The following PIP4K2B variants were observed in gnomAD, a reference collection of about 807,000 sequenced individuals.
PIP4K2B encodes phosphatidylinositol 5-phosphate 4-kinase type-2 beta.
Under a neutral mutation model 42.0 loss-of-function variants are expected in PIP4K2B, and 3 were observed. The observed-to-expected ratio is 0.07, with a 90% confidence interval of 0.03 to 0.18. The LOEUF is 0.18. Among genes scored for constraint, PIP4K2B ranks in the 10% least tolerant of loss-of-function variants. The pLI is 1.00. For synonymous variants in PIP4K2B, 204 were observed against 210.1 expected (o/e 0.97, Z 0.25); for missense variants, 332 against 562.3 (o/e 0.59, Z 4.14).
At chr17:38,796,903 C>T (rs905985027) in intron 1 of PIP4K2B, among the ~76,000 whole-genome samples, 1 of 152,112 alleles carries the variant, frequency 6.6e-6, no homozygotes, top group Non-Finnish European at 1.5e-5. Flanking sequence ...AGCAGTCCAC[C>T]GAGGGCAATG....
chr17:38,784,418 T>C, intron 2 of PIP4K2B, 79 bp from the exon 3 acceptor site: 2 of 806,996 alleles, frequency 2.5e-6, no homozygotes, highest in South Asian at 3.4e-5. Flanking sequence ...TTTTTTGTAA[T>C]AGAGACAGAG....
At chr17:38,795,912 G>A (rs1419442344) in intron 1 of PIP4K2B, among the ~76,000 whole-genome samples, 1 of 152,150 alleles carries the variant, frequency 6.6e-6, no homozygotes, top group African/African-American at 2.4e-5. Flanking sequence ...GCCGAGGCAG[G>A]TGGATCACCT....
In PIP4K2B at chr17:38,787,111, T is replaced by G. The variant is rs35312251; in HGVS notation, c.160-191A>C. ...AGTGCAGTGGCATGACAATGGCTCA[T>G]TGCAGCCTTCACCTCCTGGACTCAA... is the stretch of plus-strand genomic sequence containing the variant. On this transcript the variant is annotated intron_variant, in intron 1 of 9. Coordinates refer to ENST00000619039, the MANE Select transcript of PIP4K2B (RefSeq NM_003559.5). Among the ~76,000 whole-genome samples the G allele has an allele frequency of 7.0e-4, 106 of 152,220 alleles. 1 individual carries two copies. Among genetic ancestry groups the G allele is most frequent in the African/African-American group, 2.0e-3 (82 of 41,544 alleles).
At chr17:38,773,165 G>A (rs919934375) in intron 7 of PIP4K2B, among the ~76,000 whole-genome samples, 4 of 152,150 alleles carry the variant, frequency 2.6e-5, no homozygotes, top group Non-Finnish European at 5.9e-5. Context: ...CAGTGTTTCA[G>A]TTGTGTGTAT....
intron 7 of PIP4K2B, among the ~76,000 whole-genome samples, chr17:38,774,641 G>A (rs575082570): frequency 1.3e-5 from 2 of 151,826 alleles, no homozygotes; most frequent in Non-Finnish European, 2.9e-5. Flanking sequence ...ATGGTGGTGG[G>A]CGCCTGTAGT....
chr17:38,793,878 A>G (rs1910475580), intron 1 of PIP4K2B, among the ~76,000 whole-genome samples: 1 of 149,100 alleles, frequency 6.7e-6, no homozygotes, highest in African/African-American at 2.6e-5. Context: ...CCTCAAAAAA[A>G]CAAACAAAAA....
At chr17:38,774,351 C>T (rs1345213640) in intron 7 of PIP4K2B, among the ~76,000 whole-genome samples, 4 of 152,226 alleles carry the variant, frequency 2.6e-5, no homozygotes, top group African/African-American at 7.2e-5. Flanking sequence ...GAAGAGGGAA[C>T]TCCTTCTGCC....
chr17:38,775,560 AAAAG>A (rs1423869351), intron 7 of PIP4K2B, among the ~76,000 whole-genome samples: 1 of 152,076 alleles, frequency 6.6e-6, no homozygotes, highest in African/African-American at 2.4e-5. Context: ...TTCAGCTTTA[AAAAG>A]AAAGAAATTC....
rs745706210 is a variant in PIP4K2B, at chr17:38,770,422, T to C, written c.1170+14A>G. On this transcript the variant is annotated intron_variant, in intron 9 of 9. Coordinates refer to ENST00000619039, the MANE Select transcript of PIP4K2B (RefSeq NM_003559.5). ...GACCCAGCTGGGCCCTGGATGAAGA[T>C]GGAGAGGACTCACCCCGTGTTTCAC... 12 of 1,547,880 alleles carry C rather than the reference T, an allele frequency of 7.8e-6. No homozygotes were observed. Among genetic ancestry groups the C allele is most frequent in the African/African-American group, 6.8e-5 (5 of 73,332 alleles).
chr17:38,775,980 C>CTTT (rs562942370), intron 7 of PIP4K2B: 6 of 401,300 alleles, frequency 1.5e-5, no homozygotes, highest in East Asian at 7.8e-5. Flanking sequence ...TGTTTGCTTC[C>CTTT]TTTTTTTTTT....
At chr17:38,793,879 C>CA (rs1910476019) in intron 1 of PIP4K2B, among the ~76,000 whole-genome samples, 2 of 140,934 alleles carry the variant, frequency 1.4e-5, no homozygotes, top group African/African-American at 5.7e-5. Context: ...CTCAAAAAAA[C>CA]AAACAAAAAA....
intron 1 of PIP4K2B, among the ~76,000 whole-genome samples, chr17:38,793,650 C>G (rs929423042): frequency 6.6e-6 from 1 of 152,098 alleles, no homozygotes; most frequent in Non-Finnish European, 1.5e-5. Context: ...GTGGGCAAAT[C>G]GCTTGAGCCC....
At chr17:38,797,395 C>T (rs1328638444) in intron 1 of PIP4K2B, among the ~76,000 whole-genome samples, 1 of 152,116 alleles carries the variant, frequency 6.6e-6, no homozygotes, top group African/African-American at 2.4e-5. Flanking sequence ...CTTCTCTAAC[C>T]GGACTATACT....
intron 2 of PIP4K2B, 42 bp downstream of exon 2, chr17:38,786,781 G>C: frequency 7.9e-7 from 1 of 1,262,786 alleles, no homozygotes. Flanking sequence ...TTGAGGGAAA[G>C]GACTGCCCAC....
At chr17:38,773,715 G>A (rs946860376) in intron 7 of PIP4K2B, among the ~76,000 whole-genome samples, 1 of 152,088 alleles carries the variant, frequency 6.6e-6, no homozygotes, top group African/African-American at 2.4e-5. Flanking sequence ...CCCTAAAGAT[G>A]GGAGCCCAGC....
intron 5 of PIP4K2B, among the ~76,000 whole-genome samples, chr17:38,778,835 G>T (rs1410872714): frequency 2.6e-5 from 4 of 152,194 alleles, no homozygotes; most frequent in Admixed American, 6.5e-5. Flanking sequence ...TTAGGTGGGG[G>T]AAGGAGTGGG....
intron 3 of PIP4K2B, among the ~76,000 whole-genome samples, chr17:38,783,813 C>G (rs2143415913): frequency 6.6e-6 from 1 of 152,196 alleles, no homozygotes; most frequent in East Asian, 1.9e-4. Context: ...GTTGGCCAGG[C>G]TGGTCTCAAA....
At position 38,771,113 on chromosome 17, in the gene PIP4K2B, G is replaced by A; in HGVS notation, c.967C>T (p.Pro323Ser). ...GGNLLCSYGT[P>S]PDSPGNLLSF... is the part of the protein sequence containing the mutation. ...AGGAGGTTGCCAGGGCTGTCCGGAGGTGTGCCATAGGAGCAGAGTAGGTTG... is the reference window on the plus strand; with the variant it reads ...AGGAGGTTGCCAGGGCTGTCCGGAGATGTGCCATAGGAGCAGAGTAGGTTG... Residue 323 changes from proline (P) to serine (S), a missense_variant, in exon 8 of 10, where the codon CCT (proline) becomes TCT (serine). Pro to Ser is a moderately conservative substitution (Grantham distance 74). Around this residue, in one of 6 missense-constraint regions of PIP4K2B, gnomAD observed 63 missense variants for 71.6 expected, o/e 0.88. Coordinates refer to ENST00000619039, the MANE Select transcript of PIP4K2B (RefSeq NM_003559.5). 1 of 1,614,118 alleles carries A rather than the reference G, an allele frequency of 6.2e-7. No individual in the cohort carries two copies. The highest frequency in any genetic ancestry group is 8.5e-7 in the Non-Finnish European group (1 of 1,180,008).
rs529554233 is a variant in PIP4K2B at position 38,791,922 on chromosome 17, T to C, written c.160-5002A>G. Among the ~76,000 whole-genome samples the C allele has an allele frequency of 6.6e-5, 10 of 150,624 alleles. No homozygotes were observed. The East Asian group carries it at 1.6e-3, about 24-fold the overall frequency. ...GGCTAACACAGTGAAACCCCGTCTC[T>C]ACTAAAAAAAAATACAAAAAAAAAT... On this transcript the variant is annotated intron_variant, in intron 1 of 9. Transcript: ENST00000619039.
Sources: gnomAD v4.1 joint callset for allele counts (sites outside exome capture counted in the v4.1 genomes callset) on GRCh38, gnomAD v4.1.1 for gene constraint, gnomAD v4.1.1 regional missense constraint, MANE v1.5 for transcripts, NCBI Gene and HGNC (gene_info 2026-07-23, HGNC 2026-07-21) for gene names.